AHDC1: variants seen among roughly 807,000 people sequenced by gnomAD.
The protein encoded by AHDC1 is transcription factor Gibbin.
AHDC1 carries 7 observed loss-of-function variants against 87.9 expected under a neutral mutation model. The observed-to-expected ratio is 0.08, with a 90% CI of 0.05 to 0.15. The LOEUF is 0.15. Among genes scored for constraint, AHDC1 ranks in the 10% least tolerant of loss-of-function variants. AHDC1 has a pLI of 1.00. For synonymous variants in AHDC1, 1,051 were observed against 1,006.8 expected, an observed-to-expected ratio of 1.04 and a Z score of -0.83; for missense variants, 1,841 against 2,253.2, an observed-to-expected ratio of 0.82 and a Z score of 3.70.
At chr1:27,538,321 T>G (rs774290479) in intron 8 of AHDC1, among the ~76,000 whole-genome samples, 59 of 147,772 alleles carry the variant, frequency 4.0e-4, no homozygotes, top group Non-Finnish European at 7.4e-4. Flanking sequence ...GAGAATTGCT[T>G]GAACCCAGGA....
intron 8 of AHDC1, among the ~76,000 whole-genome samples, chr1:27,543,448 T>A (rs2019019048): frequency 6.6e-6 from 1 of 152,238 alleles, no homozygotes; most frequent in African/African-American, 2.4e-5. Context: ...AGGCTCCACA[T>A]TCCCCATTCT....
chr1:27,603,092 G>A (rs999111175), intron 3 of AHDC1, among the ~76,000 whole-genome samples: 1 of 150,516 alleles, frequency 6.6e-6, no homozygotes, highest in South Asian at 2.1e-4. Context: ...CGCTGGGCGC[G>A]CACCTCGCCC....
At chr1:27,545,429 G>C (rs775580909) in intron 8 of AHDC1, among the ~76,000 whole-genome samples, 1 of 151,988 alleles carries the variant, frequency 6.6e-6, no homozygotes, top group African/African-American at 2.4e-5. Context: ...TTCCTCCTGC[G>C]TTCAGGCCTC....
chr1:27,547,318 C>A lies in AHDC1; in HGVS notation c.4798G>T (p.Val1600Phe). Residue 1600 changes from valine to phenylalanine, a missense_variant, in exon 8 of 9, where the codon GTC becomes TTC. Val to Phe is a conservative substitution (Grantham distance 50, BLOSUM62 -1). Transcript: ENST00000673934. This position sits in a 1 kb window ranked among gnomAD's most constrained non-coding sequence, Gnocchi z 4.9. ...TTCAGTTGGCACTACAGGGATGTGA[C>A]GGTGAATGTGTCCTCGGGGTGAGGT... ...AEPHPEDTFT[V>F]TSL 1 of 1,544,362 alleles carries A rather than the reference C, an allele frequency of 6.5e-7. No homozygotes were observed. The highest frequency in any genetic ancestry group is 8.7e-7 in the Non-Finnish European group (1 of 1,148,388).
chr1:27,574,134 G>A (rs183924453), intron 3 of AHDC1, among the ~76,000 whole-genome samples: 1 of 152,332 alleles, frequency 6.6e-6, no homozygotes, highest in Admixed American at 6.5e-5. Flanking sequence ...GAAGAGGAAA[G>A]CAGAATTCCA....
intron 8 of AHDC1, among the ~76,000 whole-genome samples, chr1:27,541,636 T>C (rs1444907640): frequency 1.4e-5 from 2 of 142,038 alleles, no homozygotes; most frequent in African/African-American, 6.0e-5. Context: ...AGGTTTTTTT[T>C]TTTTTTTTTG....
chr1:27,599,131 T>C (rs564606687), intron 3 of AHDC1, among the ~76,000 whole-genome samples: 3 of 152,290 alleles, frequency 2.0e-5, no homozygotes, highest in Admixed American at 6.5e-5. Flanking sequence ...CTTCCTGACC[T>C]ACCATGGGTA....
In AHDC1 at chr1:27,561,519, G is replaced by C. The variant is rs1160373136; in HGVS notation, c.-628-2636C>G. Among the ~76,000 whole-genome samples, 3 of 152,166 alleles carry C rather than the reference G, an allele frequency of 2.0e-5. No individual in the cohort carries two copies. The highest frequency in any genetic ancestry group is 2.9e-5 in the Non-Finnish European group (2 of 68,038). On this transcript the variant is annotated intron_variant, in intron 3 of 8. Coordinates refer to ENST00000673934, the MANE Select transcript of AHDC1 (RefSeq NM_001371928.1). This position sits in a 1 kb window ranked among gnomAD's most constrained non-coding sequence, Gnocchi z 4.2. ...GTGGTGGGGGGAACACAGCAAGGAG[G>C]GGTGCAGGGGCTGGGCTGGGACTAA... is the stretch of plus-strand genomic sequence containing the variant.
chr1:27,583,777 A>C (rs753515802), intron 3 of AHDC1, among the ~76,000 whole-genome samples: 40 of 152,184 alleles, frequency 2.6e-4, no homozygotes, highest in Non-Finnish European at 8.8e-5. Flanking sequence ...CCTATCTGTG[A>C]AATAAGGATA....
intron 5 of AHDC1, among the ~76,000 whole-genome samples, chr1:27,555,845 C>A (rs892396431): frequency 6.6e-6 from 1 of 152,062 alleles, no homozygotes; most frequent in Non-Finnish European, 1.5e-5. Context: ...TCTGTTCAAC[C>A]CACCCGTGAA....
At position 27,569,402 on chromosome 1, in the gene AHDC1, C is replaced by T. The variant is rs1185813895; in HGVS notation, c.-628-10519G>A. 2.0e-5 allele frequency among the ~76,000 whole-genome samples: 3 copies of T among 152,130 alleles called. No homozygotes were observed. In the East Asian group the frequency reaches 5.8e-4, roughly 29 times the overall value. Reference sequence around the variant, plus strand: ...GGTAAAATAGCCTGCCTAAGACAGGCAAGGATTTGAACCCCATGTTCTTCC... The same window carrying T: ...GGTAAAATAGCCTGCCTAAGACAGGTAAGGATTTGAACCCCATGTTCTTCC... On this transcript the variant is annotated intron_variant, in intron 3 of 8. Transcript: ENST00000673934.
rs780065241 is a variant in AHDC1 at position 27,549,563 on chromosome 1, A to G, written c.2553T>C (p.Asp851=). The change falls in exon 8 of 9, where the codon GAT becomes GAC. Residue 851 remains aspartate, a synonymous_variant. Coordinates refer to ENST00000673934, the MANE Select transcript of AHDC1 (RefSeq NM_001371928.1). The stretch of plus-strand genomic sequence containing the variant: ...AGGCTGAGAGGGCAAAGTCCAAGAG[A>G]TCGGAGGAGTCATCCGAATCGAGCA... ...RSLLDSDDSS[D]LLDFALSASR... 23 of 1,613,154 alleles carry G rather than the reference A, an allele frequency of 1.4e-5. No individual in the cohort carries two copies. The Admixed American group carries it at 3.7e-4, about 26-fold the overall frequency.
chr1:27,559,744 T>C, intron 3 of AHDC1, among the ~76,000 whole-genome samples: 1 of 152,222 alleles, frequency 6.6e-6, no homozygotes, highest in East Asian at 1.9e-4. Flanking sequence ...TCTCTTGTTT[T>C]CTTTAATAAC....
chr1:27,581,481 G>A (rs575432365), intron 3 of AHDC1, among the ~76,000 whole-genome samples: 170 of 151,282 alleles, frequency 1.1e-3, no homozygotes, highest in East Asian at 5.0e-3. Flanking sequence ...GGAAAATAGA[G>A]GTGTGTAATA....
chr1:27,600,155 T>G (rs1009975450), intron 3 of AHDC1, among the ~76,000 whole-genome samples: 4 of 151,904 alleles, frequency 2.6e-5, no homozygotes, highest in African/African-American at 9.7e-5. Flanking sequence ...CTCTTCACCA[T>G]GCATGTGGTT....
At chr1:27,588,964 G>A (rs76989635) in intron 3 of AHDC1, among the ~76,000 whole-genome samples, 2 of 151,964 alleles carry the variant, frequency 1.3e-5, no homozygotes, top group East Asian at 1.9e-4. Context: ...AACTATGTAT[G>A]GGGGGGCTGT....
intron 3 of AHDC1, among the ~76,000 whole-genome samples, chr1:27,592,524 C>T (rs2089254114): frequency 2.0e-5 from 3 of 152,326 alleles, no homozygotes; most frequent in African/African-American, 4.8e-5. Context: ...CCTGCAGCAT[C>T]GCCATGGCAA....
At chr1:27,571,525 C>T (rs1165983946) in intron 3 of AHDC1, among the ~76,000 whole-genome samples, 2 of 152,102 alleles carry the variant, frequency 1.3e-5, no homozygotes, top group Non-Finnish European at 2.9e-5. Context: ...AGCCCTCCCC[C>T]CAGGCTCTGG....
At chr1:27,584,550 T>C (rs898735524) in intron 3 of AHDC1, among the ~76,000 whole-genome samples, 3 of 152,232 alleles carry the variant, frequency 2.0e-5, no homozygotes, top group Admixed American at 6.5e-5. Flanking sequence ...CTGTTGAGAA[T>C]TGACCACACC....
Sources: allele counts gnomAD v4.1 joint callset (sites outside exome capture counted in the v4.1 genomes callset), GRCh38; gene constraint gnomAD v4.1.1; non-coding constraint Gnocchi (gnomAD v3.1); transcripts MANE v1.5; gene names NCBI Gene and HGNC (gene_info 2026-07-23, HGNC 2026-07-21).